Variants in RHD observed in about 807,000 individuals in gnomAD.
RHD encodes the protein Rh blood group D antigen.
A neutral mutation model predicts 45.5 loss-of-function variants in RHD; 16 were observed. That is an observed-to-expected ratio of 0.35 (90% confidence interval 0.24 to 0.53). The LOEUF (loss-of-function observed/expected upper bound fraction) is 0.53. RHD is among the 20% of genes least tolerant of loss of function. RHD has a pLI of 0.92. For missense variants in RHD, 306 were observed against 532.0 expected, an observed-to-expected ratio of 0.58 and a Z score of 4.18; for synonymous variants, 131 against 217.5, an observed-to-expected ratio of 0.60 and a Z score of 3.50.
chr1:25,307,733 G>C (rs1643925218), intron 7 of RHD: 1 of 1,308,196 alleles, frequency 7.6e-7, no homozygotes, highest in Admixed American at 2.1e-5. Context: ...AGAAATCATG[G>C]AGGCGCTGCG....
rs1306842603 is a variant in RHD at position 25,279,742 on chromosome 1, T to A, written c.149-4831T>A. ...TATCTCTCGCTGCTGAACTACCAGG[T>A]TAGACTTCTTTCTGCAAGTCATGAG... On this transcript the variant is annotated intron_variant, in intron 1 of 9. Coordinates refer to ENST00000328664, the MANE Select transcript of RHD (RefSeq NM_016124.6). Among the ~76,000 whole-genome samples, 5 of 126,890 alleles carry A rather than the reference T, an allele frequency of 3.9e-5. 1 individual carries two copies. 83.2% of individuals were successfully genotyped at this position (126,890 alleles called of 152,430 possible).
At chr1:25,278,966 A>C (rs2904826) in intron 1 of RHD, among the ~76,000 whole-genome samples, 1 of 128,922 alleles carries the variant, frequency 7.8e-6, no homozygotes, top group East Asian at 2.0e-4. Context: ...TCAACCCTAG[A>C]GCCTGGGAGA....
rs552640552 is a variant in RHD at position 25,274,992 on chromosome 1, A to G, written c.148+2297A>G. On this transcript the variant is annotated intron_variant, in intron 1 of 9. Transcript: ENST00000328664. Reference sequence around the variant, plus strand: ...ACAACAACAAGAACAACAAAAAAACAAAGAGGAGAGCAGGGACTGGGTGTG... The same window carrying G: ...ACAACAACAAGAACAACAAAAAAACGAAGAGGAGAGCAGGGACTGGGTGTG... Among the ~76,000 whole-genome samples, 15 of 131,740 alleles carry G rather than the reference A, an allele frequency of 1.1e-4. 3 individuals are homozygous for G. In the South Asian group the frequency reaches 3.5e-3, roughly 31 times the overall value. The allele number at this position is 131,740 out of a possible 152,430, so 86.4% of individuals were successfully genotyped here. A position where few individuals can be genotyped will look rare whatever the true frequency, so the allele number is the denominator to read the frequency against.
In RHD at chr1:25,298,774, A is replaced by C. The variant is rs1170712759; in HGVS notation, c.487-2172A>C. Among the ~76,000 whole-genome samples the C allele has an allele frequency of 1.5e-5, 2 of 131,590 alleles. 1 individual carries two copies. The highest frequency in any genetic ancestry group is 3.6e-5 in the Non-Finnish European group (2 of 55,930). 86.3% of individuals were successfully genotyped at this position (131,590 alleles called of 152,430 possible). A position where few individuals can be genotyped will look rare whatever the true frequency, so the allele number is the denominator to read the frequency against. On this transcript the variant is annotated intron_variant, in intron 3 of 9. Coordinates refer to ENST00000328664, the MANE Select transcript of RHD (RefSeq NM_016124.6). ...TCATGGAACGTCTGTTCCAGAAGGA[A>C]AGACTGCCAATAAACAATAAAATAG...
chr1:25,322,777 C>T (rs1329271436), intron 9 of RHD, among the ~76,000 whole-genome samples: 1 of 121,676 alleles, frequency 8.2e-6, no homozygotes, highest in African/African-American at 2.8e-5. Flanking sequence ...TATTAGCCGG[C>T]GACCTAGAGA....
rs1235576736 is a variant in RHD at position 25,301,592 on chromosome 1, A to G, written c.707A>G (p.Asn236Ser). The G allele has an allele frequency of 7.2e-7, 1 of 1,380,110 alleles. No homozygotes were observed. Among genetic ancestry groups the G allele is most frequent in the South Asian group, 1.2e-5 (1 of 84,938 alleles). 85.5% of individuals were successfully genotyped at this position (1,380,110 alleles called of 1,614,324 possible). The change falls in exon 5 of 10, where the codon AAT (asparagine) becomes AGT (serine). Residue 236 changes from asparagine to serine, a missense_variant. Transcript: ENST00000328664. The part of the protein sequence containing the change: ...ALLRSPIERK[N>S]AVFNTYYAVA... ...CTGAGAAGTCCAATCGAAAGGAAGA[A>G]TGCCGTGTTCAACACCTACTATGCT...
In RHD at chr1:25,308,092, A is replaced by G. The variant is rs1338731049; in HGVS notation, c.1073+1363A>G. Among the ~76,000 whole-genome samples, 2 of 124,792 alleles carry G rather than the reference A, an allele frequency of 1.6e-5. 1 individual carries two copies. Among genetic ancestry groups the G allele is most frequent in the Non-Finnish European group, 3.7e-5 (2 of 53,590 alleles). 81.9% of individuals were successfully genotyped at this position (124,792 alleles called of 152,430 possible). The stretch of plus-strand genomic sequence containing the variant: ...CTCTTCAGCTTGCACCCATCATCAC[A>G]GTGCAGGGACCCAGGCTCAGTGTTG... On this transcript the variant is annotated intron_variant, in intron 7 of 9. Transcript: ENST00000328664.
chr1:25,305,419 C>G (rs1209672677), intron 6 of RHD, among the ~76,000 whole-genome samples: 3 of 126,050 alleles, frequency 2.4e-5, no homozygotes, highest in Admixed American at 7.8e-5. Context: ...TTTATTGAGA[C>G]AGAGTCTCAT....
chr1:25,312,993 G>T (rs1457234419), intron 7 of RHD, among the ~76,000 whole-genome samples: 2 of 109,188 alleles, frequency 1.8e-5, no homozygotes, highest in African/African-American at 6.1e-5. Context: ...ATGTAAGAAG[G>T]ACATGCATTT....
At chr1:25,312,704 C>T (rs1473743144) in intron 7 of RHD, among the ~76,000 whole-genome samples, 1 of 126,118 alleles carries the variant, frequency 7.9e-6, no homozygotes, top group Non-Finnish European at 1.9e-5. Flanking sequence ...GAGCTATGGT[C>T]GTGCCACTGC....
At chr1:25,275,071 C>A (rs552659843) in intron 1 of RHD, among the ~76,000 whole-genome samples, 1 of 132,486 alleles carries the variant, frequency 7.5e-6, no homozygotes, top group Admixed American at 7.3e-5. Flanking sequence ...AGGCAGATCA[C>A]CTGAGGTCAG....
chr1:25,307,088 C>G (rs1227968156), intron 7 of RHD: 1 of 325,974 alleles, frequency 3.1e-6, no homozygotes, highest in African/African-American at 2.3e-5. Flanking sequence ...TGCGTACTAG[C>G]TGGGCATGTG....
chr1:25,301,734 G>A (rs1393955115), intron 5 of RHD, 48 bp downstream of exon 5: 3 of 1,283,450 alleles, frequency 2.3e-6, no homozygotes, highest in Admixed American at 3.6e-5. Flanking sequence ...AACAGGACTA[G>A]CACACATATT....
At chr1:25,315,180 A>C (rs1384946278) in intron 7 of RHD, among the ~76,000 whole-genome samples, 2 of 130,328 alleles carry the variant, frequency 1.5e-5, no homozygotes, top group African/African-American at 5.3e-5. Context: ...TTGCAAGGTC[A>C]TGCATATGTC....
chr1:25,292,522 T>C lies in RHD; in HGVS notation c.486+1731T>C, dbSNP rs1642599566. On this transcript the variant is annotated intron_variant, in intron 3 of 9. Transcript: ENST00000328664. ...GGAGAGGGTCAAGATGACTTCAAGG[T>C]TCTCATCTGGCACAACTCAGCGGCT... 1.5e-5 allele frequency among the ~76,000 whole-genome samples: 2 copies of C among 131,806 alleles called. 1 individual carries two copies. The highest frequency in any genetic ancestry group is 4.6e-4 in the South Asian group (2 of 4,304). 86.5% of individuals were successfully genotyped at this position (131,806 alleles called of 152,430 possible).
chr1:25,306,679 C>T lies in RHD; in HGVS notation c.1023C>T (p.Ile341=). The T allele has an allele frequency of 7.3e-7, 1 of 1,378,564 alleles. No individual in the cohort carries two copies. The highest frequency in any genetic ancestry group is 1.0e-6 in the Non-Finnish European group (1 of 979,080). 85.4% of individuals were successfully genotyped at this position (1,378,564 alleles called of 1,614,324 possible). The change falls in exon 7 of 10, where the codon ATC becomes ATT. Residue 341 remains isoleucine, a synonymous_variant. Coordinates refer to ENST00000328664, the MANE Select transcript of RHD (RefSeq NM_016124.6). ...GCTTGCTGGGTCTGCTTGGAGAGAT[C>T]ATCTACATTGTGCTGCTGGTGCTTG... ...NFSLLGLLGE[I]IYIVLLVLDT...
At chr1:25,282,208 G>T (rs554488280) in intron 1 of RHD, among the ~76,000 whole-genome samples, 3 of 132,484 alleles carry the variant, frequency 2.3e-5, no homozygotes, top group Admixed American at 1.5e-4. Flanking sequence ...GCTATGAAGT[G>T]GAAACACATA....
intron 1 of RHD, among the ~76,000 whole-genome samples, chr1:25,277,124 G>GAAGAATATAGAGAAATGCATATCAA (rs1211491401): frequency 1.5e-5 from 2 of 133,066 alleles, no homozygotes; most frequent in East Asian, 3.9e-4. Flanking sequence ...GTTGCAATAT[G>GAAGAATATAGAGAAATGCATATCAA]AAGAATATAG....
At chr1:25,308,499 T>C (rs1643966508) in intron 7 of RHD, among the ~76,000 whole-genome samples, 1 of 131,804 alleles carries the variant, frequency 7.6e-6, no homozygotes, top group Admixed American at 7.4e-5. Context: ...TGGTAAAGGA[T>C]TAACTTAACA....
Sources: gnomAD v4.1 joint callset for allele counts (sites outside exome capture counted in the v4.1 genomes callset) on GRCh38, gnomAD v4.1.1 for gene constraint, MANE v1.5 for transcripts, NCBI Gene and HGNC (gene_info 2026-07-23, HGNC 2026-07-21) for gene names.